The following STK4 variants were observed in gnomAD, a reference collection of about 807,000 sequenced individuals.
STK4 encodes the protein serine/threonine kinase 4.
STK4 carries 30 observed loss-of-function variants against 64.9 expected under a neutral mutation model. That is an observed-to-expected ratio of 0.46 (90% CI 0.35 to 0.63). The LOEUF is 0.63. Among genes scored for constraint, STK4 ranks in the 20% least tolerant of loss-of-function variants. The pLI is 0.01. For missense variants in STK4, 466 were observed against 598.5 expected (o/e 0.78, Z 2.31); for synonymous variants, 177 against 199.0 (o/e 0.89, Z 0.93).
chr20:45,008,460 A>T (rs2067989243), intron 9 of STK4, among the ~76,000 whole-genome samples: 1 of 152,182 alleles, frequency 6.6e-6, no homozygotes, highest in African/African-American at 2.4e-5. Context: ...ATGGGCACCT[A>T]GGTTGATTCC....
At chr20:45,033,639 G>A (rs1186680702) in intron 10 of STK4, among the ~76,000 whole-genome samples, 2 of 152,088 alleles carry the variant, frequency 1.3e-5, no homozygotes, top group South Asian at 2.1e-4. Flanking sequence ...TAATGCAGTG[G>A]CGTGATCTCA....
At chr20:45,064,114 G>A (rs932670988) in intron 10 of STK4, among the ~76,000 whole-genome samples, 1 of 152,060 alleles carries the variant, frequency 6.6e-6, no homozygotes, top group South Asian at 2.1e-4. Flanking sequence ...GGCCAAGGGG[G>A]GGGGTCCAGT....
chr20:44,979,239 A>G (rs2067394013), intron 3 of STK4, among the ~76,000 whole-genome samples: 1 of 152,196 alleles, frequency 6.6e-6, no homozygotes, highest in Non-Finnish European at 1.5e-5. Context: ...ATAGCCAAGA[A>G]CAGATAATTC....
At chr20:45,062,843 ATTTTTTTTTTTT>A (rs35335969) in intron 10 of STK4, among the ~76,000 whole-genome samples, 3 of 106,348 alleles carry the variant, frequency 2.8e-5, no homozygotes, top group Non-Finnish European at 5.8e-5. Flanking sequence ...ACGCCCGGCT[ATTTTTTTTTTTT>A]TTTTTTTTGT....
chr20:44,989,349 A>G lies in STK4; in HGVS notation c.525+2053A>G, dbSNP rs182912654. Among the ~76,000 whole-genome samples the G allele has an allele frequency of 9.9e-5, 15 of 152,254 alleles. No individual in the cohort carries two copies. In the East Asian group the frequency reaches 2.7e-3, roughly 27 times the overall value. ...TCTTTGTGGTCTTGATTTGCATTTT[A>G]CTAATGACTAGTGATGTCGACTGTC... is the stretch of plus-strand genomic sequence containing the variant. On this transcript the variant is annotated intron_variant, in intron 5 of 10. Transcript: ENST00000372806.
Position 45,075,149 on chromosome 20 carries a change from TAAG to T in STK4, c.1442_1444del (p.Lys481del). The T allele has an allele frequency of 6.2e-7, 1 of 1,614,054 alleles. No individual in the cohort carries two copies. Among genetic ancestry groups the T allele is most frequent in the East Asian group, 2.2e-5 (1 of 44,880 alleles). ...AGCCCATCCTGGATGCCATAGAGGC[TAAG>T]AAGAGACGGCAACAAAACTTCTGAG... On this transcript the variant is annotated inframe_deletion, in exon 11 of 11. Transcript: ENST00000372806.
At chr20:44,998,546 T>A (rs1378568912) in intron 7 of STK4, among the ~76,000 whole-genome samples, 3 of 152,210 alleles carry the variant, frequency 2.0e-5, no homozygotes, top group African/African-American at 7.2e-5. Context: ...ATTTAAAAAC[T>A]CTCATTACTT....
chr20:44,988,537 A>G (rs867881602), intron 5 of STK4, among the ~76,000 whole-genome samples: 18,992 of 108,460 alleles, frequency 0.18, 1,705 homozygotes, highest in East Asian at 0.23. Flanking sequence ...GTGTGTGTAT[A>G]TATATATATA....
rs1980556971 is a variant in STK4 at position 45,076,883 on chromosome 20, CAG to C, written c.*1708_*1709del. On this transcript the variant is annotated 3_prime_UTR_variant, in exon 11 of 11. Transcript: ENST00000372806. This position sits in a 1 kb window ranked among gnomAD's most constrained non-coding sequence, Gnocchi z 4.0. ...GCAAGTTTTTAAAAAATGCAAGAGGCAGTTGTTAGTCTTCAGGGCTTGGCAAC... is the reference window on the plus strand; with the variant it reads ...GCAAGTTTTTAAAAAATGCAAGAGGCTTGTTAGTCTTCAGGGCTTGGCAAC... 1 of 152,158 alleles carries C rather than the reference CAG, an allele frequency of 6.6e-6. No homozygotes were observed. The highest frequency in any genetic ancestry group is 1.5e-5 in the Non-Finnish European group (1 of 68,032). 9.4% of individuals were successfully genotyped at this position (152,158 alleles called of 1,614,324 possible). A position where few individuals can be genotyped will look rare whatever the true frequency, so the allele number is the denominator to read the frequency against.
At chr20:44,989,992 G>A (rs2067602937) in intron 5 of STK4, among the ~76,000 whole-genome samples, 1 of 152,140 alleles carries the variant, frequency 6.6e-6, no homozygotes, top group South Asian at 2.1e-4. Context: ...TTCCAACTTT[G>A]TCCTTCTATT....
At chr20:45,054,370 C>A (rs1159043379) in intron 10 of STK4, among the ~76,000 whole-genome samples, 2 of 152,032 alleles carry the variant, frequency 1.3e-5, no homozygotes, top group Non-Finnish European at 2.9e-5. Flanking sequence ...TTGAGACCAG[C>A]CTGACCAATG....
In STK4 at chr20:45,052,317, C is replaced by T. The variant is rs539326536; in HGVS notation, c.1306-22701C>T. Among the ~76,000 whole-genome samples the T allele has an allele frequency of 2.0e-5, 3 of 152,282 alleles. No homozygotes were observed. In the South Asian group the frequency reaches 6.2e-4, roughly 32 times the overall value. ...AATAATTACATTTTAACATTTCCTT[C>T]CAGTTTTTTAATACTTAGATATTAT... On this transcript the variant is annotated intron_variant, in intron 10 of 10. Transcript: ENST00000372806.
rs1265911495 is a variant in STK4, at chr20:45,078,025, G to A, written c.*2849G>A. The A allele has an allele frequency of 6.6e-6, 1 of 152,114 alleles. No homozygotes were observed. Among genetic ancestry groups the A allele is most frequent in the African/African-American group, 2.4e-5 (1 of 41,420 alleles). The allele number at this position is 152,114 out of a possible 1,614,324, so 9.4% of individuals were successfully genotyped here. Reference sequence around the variant, plus strand: ...AGTCCTAGTTGTTGTTGTTGTTGTTGAATACTAAATTTAAGATATGTCAGC... The same window carrying A: ...AGTCCTAGTTGTTGTTGTTGTTGTTAAATACTAAATTTAAGATATGTCAGC... On this transcript the variant is annotated 3_prime_UTR_variant, in exon 11 of 11. Coordinates refer to ENST00000372806, the MANE Select transcript of STK4 (RefSeq NM_006282.5).
chr20:45,072,520 T>C (rs1980155179), intron 10 of STK4, among the ~76,000 whole-genome samples: 3 of 152,256 alleles, frequency 2.0e-5, no homozygotes, highest in Admixed American at 2.0e-4. Context: ...CCTTGCTTCA[T>C]TAAAATGTAA....
intron 10 of STK4, among the ~76,000 whole-genome samples, chr20:45,041,954 A>G (rs1411033320): frequency 6.6e-6 from 1 of 152,180 alleles, no homozygotes; most frequent in Non-Finnish European, 1.5e-5. Flanking sequence ...TCTCATTACA[A>G]CCAAAGCCAG....
At chr20:44,997,025 CT>C in intron 6 of STK4, 143 bp from the exon 7 acceptor site, 1 of 1,137,220 alleles carries the variant, frequency 8.8e-7, no homozygotes, top group Non-Finnish European at 1.3e-6. Flanking sequence ...GATGCTTAGA[CT>C]TTTGTTGGAA....
intron 5 of STK4, among the ~76,000 whole-genome samples, chr20:44,987,803 A>G (rs2067556874): frequency 6.6e-6 from 1 of 152,092 alleles, no homozygotes; most frequent in Non-Finnish European, 1.5e-5. Context: ...GAAGTCTAGA[A>G]TTATTTGATT....
At chr20:44,976,608 C>T (rs921741835) in intron 2 of STK4, among the ~76,000 whole-genome samples, 10 of 152,276 alleles carry the variant, frequency 6.6e-5, no homozygotes, top group African/African-American at 1.2e-4. Flanking sequence ...GTTGTCAATC[C>T]GGTATCCAAC....
chr20:44,970,245 AG>A lies in STK4; in HGVS notation c.36-1832del, dbSNP rs1399944629. 7.9e-3 allele frequency among the ~76,000 whole-genome samples: 1,071 copies of A among 136,214 alleles called. 11 individuals are homozygous for A. Among genetic ancestry groups the A allele is most frequent in the African/African-American group, 0.027 (1,019 of 37,156 alleles). 89.4% of individuals were successfully genotyped at this position (136,214 alleles called of 152,430 possible). A position where few individuals can be genotyped will look rare whatever the true frequency, so the allele number is the denominator to read the frequency against. ...AAAGTATAATAATAATTAAAAAAAA[AG>A]AAAAAAAAAGTTTGTCAAAGTATTA... On this transcript the variant is annotated intron_variant, in intron 1 of 10. Transcript: ENST00000372806.
Sources: allele counts gnomAD v4.1 joint callset (sites outside exome capture counted in the v4.1 genomes callset), GRCh38; gene constraint gnomAD v4.1.1; non-coding constraint Gnocchi (gnomAD v3.1); transcripts MANE v1.5; gene names NCBI Gene and HGNC (gene_info 2026-07-23, HGNC 2026-07-21).